Variants in NRXN3 observed in about 807,000 individuals in gnomAD.
NRXN3 encodes neurexin III.
Under a neutral mutation model 137.6 loss-of-function variants are expected in NRXN3, and 32 were observed. The observed-to-expected ratio is 0.23, with a 90% CI of 0.18 to 0.31. The LOEUF is 0.31. Ranked by LOEUF, NRXN3 falls within the 10% of genes least tolerant of loss-of-function variation. NRXN3 has a pLI of 1.00. For missense variants in NRXN3, 1,574 were observed against 2,062.5 expected (o/e 0.76, Z 4.59); for synonymous variants, 798 against 784.5 (o/e 1.02, Z -0.29).
In NRXN3 at chr14:79,540,267, C is replaced by CTTATATATATATTTATATAAA. The variant is rs1475565359; in HGVS notation, c.3444+72865_3444+72866insTTATATATATATTTATATAAA. Among the ~76,000 whole-genome samples, 4 of 149,572 alleles carry CTTATATATATATTTATATAAA rather than the reference C, an allele frequency of 2.7e-5. No homozygotes were observed. In the South Asian group the frequency reaches 6.3e-4, roughly 24 times the overall value. On this transcript the variant is annotated intron_variant, in intron 16 of 20. Transcript: ENST00000335750. ...CATTTATTATGTGCTGGGTATTATG[C>CTTATATATATATTTATATAAA]ATATAAATATTTTCTTAAGTTTTGT...
At chr14:78,976,723 G>A (rs2099468069) in intron 14 of NRXN3, among the ~76,000 whole-genome samples, 2 of 152,136 alleles carry the variant, frequency 1.3e-5, no homozygotes, top group African/African-American at 2.4e-5. Context: ...TTGTTCTTGT[G>A]TCCTTTTCCT....
At chr14:78,996,846 G>A (rs569394492) in intron 15 of NRXN3, among the ~76,000 whole-genome samples, 4 of 152,132 alleles carry the variant, frequency 2.6e-5, no homozygotes, top group South Asian at 2.1e-4. Flanking sequence ...TTTTATTCTC[G>A]GGCCCACAGA....
chr14:78,777,331 T>A (rs141210499), intron 8 of NRXN3, among the ~76,000 whole-genome samples: 2,215 of 152,310 alleles, frequency 0.015, 61 homozygotes, highest in African/African-American at 0.05. Flanking sequence ...TTCAATTCCA[T>A]TTTTCAATTC....
chr14:78,655,708 C>A (rs1409739830), intron 6 of NRXN3, among the ~76,000 whole-genome samples: 1 of 151,888 alleles, frequency 6.6e-6, no homozygotes, highest in Admixed American at 6.6e-5. Context: ...AATATGATAA[C>A]CTCATGGAGC....
rs952757229 is a variant in NRXN3, at chr14:78,384,572, C to T, written c.757+86712C>T. 3.3e-5 allele frequency among the ~76,000 whole-genome samples: 5 copies of T among 152,050 alleles called. No homozygotes were observed. In the East Asian group the frequency reaches 9.7e-4, roughly 29 times the overall value. On this transcript the variant is annotated intron_variant, in intron 4 of 20. Transcript: ENST00000335750. The stretch of plus-strand genomic sequence containing the variant: ...CATAAAATGAAGTTTTATTTAGATA[C>T]CCAAGATGTAAAACATGAAAAATGT...
At chr14:79,019,656 G>C (rs2099585437) in intron 15 of NRXN3, among the ~76,000 whole-genome samples, 1 of 152,178 alleles carries the variant, frequency 6.6e-6, no homozygotes, top group African/African-American at 2.4e-5. Flanking sequence ...AAGAATTACA[G>C]CATCCTAGTG....
chr14:79,030,219 A>C (rs185497645), intron 15 of NRXN3, among the ~76,000 whole-genome samples: 1 of 151,848 alleles, frequency 6.6e-6, no homozygotes, highest in East Asian at 1.9e-4. Context: ...GCCTCTACAT[A>C]GTAGATGCCA....
At chr14:78,170,775 G>T (rs1375714567) in intron 1 of NRXN3, 101 bp downstream of exon 1, 1 of 152,170 alleles carries the variant, frequency 6.6e-6, no homozygotes, top group Non-Finnish European at 1.5e-5. Flanking sequence ...GAAGTTTTCA[G>T]TTGGGAGCAA....
At chr14:79,732,079 G>A (rs1201204768) in intron 19 of NRXN3, among the ~76,000 whole-genome samples, 7 of 151,806 alleles carry the variant, frequency 4.6e-5, no homozygotes, top group Admixed American at 2.6e-4. Flanking sequence ...TTTTGTGCCC[G>A]TTCTTCCTCT....
At chr14:78,344,817 G>T (rs1345748114) in intron 4 of NRXN3, among the ~76,000 whole-genome samples, 1 of 152,116 alleles carries the variant, frequency 6.6e-6, no homozygotes, top group African/African-American at 2.4e-5. Flanking sequence ...ACAAATGCTG[G>T]TACCTAGACC....
At chr14:79,689,032 G>A (rs1167484479) in intron 17 of NRXN3, among the ~76,000 whole-genome samples, 1 of 152,042 alleles carries the variant, frequency 6.6e-6, no homozygotes, top group Non-Finnish European at 1.5e-5. Flanking sequence ...ATTTCTCAGT[G>A]TGATTAAGAA....
chr14:78,903,902 G>A (rs1284017719), intron 10 of NRXN3, among the ~76,000 whole-genome samples: 21 of 152,012 alleles, frequency 1.4e-4, no homozygotes, highest in Admixed American at 1.3e-3. Flanking sequence ...AAATGTGTAG[G>A]GAATGACCAT....
At chr14:78,395,515 A>G (rs2091350496) in intron 4 of NRXN3, among the ~76,000 whole-genome samples, 1 of 151,836 alleles carries the variant, frequency 6.6e-6, no homozygotes, top group Admixed American at 6.6e-5. Context: ...GATAAATGCC[A>G]ATTATTAATA....
intron 15 of NRXN3, among the ~76,000 whole-genome samples, chr14:79,090,620 C>A (rs976740162): frequency 7.9e-5 from 12 of 152,096 alleles, no homozygotes; most frequent in Middle Eastern, 3.2e-3. Context: ...TCTGGCCCCA[C>A]CCCTACCCCA....
intron 10 of NRXN3, among the ~76,000 whole-genome samples, chr14:78,820,937 A>G (rs2153126252): frequency 6.6e-6 from 1 of 152,296 alleles, no homozygotes; most frequent in South Asian, 2.1e-4. Flanking sequence ...TTTAATATCA[A>G]CATATTACAA....
intron 18 of NRXN3, among the ~76,000 whole-genome samples, chr14:79,696,809 A>G (rs926220544): frequency 3.9e-5 from 6 of 151,938 alleles, no homozygotes; most frequent in African/African-American, 7.2e-5. Flanking sequence ...GGAGTTTTAT[A>G]TGTTGCTTTC....
chr14:79,528,122 A>G (rs898454991), intron 16 of NRXN3, among the ~76,000 whole-genome samples: 11 of 152,192 alleles, frequency 7.2e-5, no homozygotes, highest in Admixed American at 2.0e-4. Flanking sequence ...TCCTATGGAA[A>G]TAGTCATGAA....
intron 15 of NRXN3, among the ~76,000 whole-genome samples, chr14:79,163,009 C>T (rs1004481114): frequency 9.9e-5 from 15 of 151,844 alleles, no homozygotes; most frequent in African/African-American, 3.1e-4. Context: ...CTCTGTCTCT[C>T]TGCATGTGTC....
chr14:78,218,068 T>C (rs1596010321), intron 1 of NRXN3, among the ~76,000 whole-genome samples: 2 of 152,258 alleles, frequency 1.3e-5, no homozygotes, highest in African/African-American at 4.8e-5. Context: ...CATATATGTA[T>C]GTGTATATAA....
Sources: allele counts gnomAD v4.1 joint callset (sites outside exome capture counted in the v4.1 genomes callset), GRCh38; gene constraint gnomAD v4.1.1; transcripts MANE v1.5; gene names NCBI Gene and HGNC (gene_info 2026-07-23, HGNC 2026-07-21).